The following SETBP1 variants were observed in gnomAD, a reference collection of about 807,000 sequenced individuals.
The protein encoded by SETBP1 is SET-binding protein.
Under a neutral mutation model 101.0 loss-of-function variants are expected in SETBP1, and 9 were observed. The observed-to-expected ratio is 0.09, with a 90% CI of 0.05 to 0.16. The LOEUF (loss-of-function observed/expected upper bound fraction) is 0.16, where lower values mean the gene tolerates loss of function less well. SETBP1 is among the 10% of genes least tolerant of loss of function. SETBP1 has a pLI of 1.00. For missense variants in SETBP1, 1,858 were observed against 2,033.8 expected (o/e 0.91, Z 1.66); for synonymous variants, 818 against 788.5 (o/e 1.04, Z -0.63).
intron 2 of SETBP1, among the ~76,000 whole-genome samples, chr18:44,850,763 CT>C (rs1407564066): frequency 6.6e-6 from 1 of 152,230 alleles, no homozygotes; most frequent in Non-Finnish European, 1.5e-5. Flanking sequence ...TTCCTGGCTT[CT>C]TGGTTCCCCA....
At chr18:44,991,688 G>A (rs570264748) in intron 4 of SETBP1, among the ~76,000 whole-genome samples, 2 of 152,020 alleles carry the variant, frequency 1.3e-5, no homozygotes, top group Non-Finnish European at 2.9e-5. Context: ...CTTGATCTTC[G>A]AATGGAACAT....
chr18:44,889,713 A>G (rs749421821), intron 3 of SETBP1, among the ~76,000 whole-genome samples: 9 of 152,186 alleles, frequency 5.9e-5, no homozygotes, highest in Admixed American at 1.3e-4. Context: ...AACCCAAGAC[A>G]GTTTTCTTAG....
At chr18:44,894,150 A>G (rs549444579) in intron 3 of SETBP1, among the ~76,000 whole-genome samples, 2 of 152,276 alleles carry the variant, frequency 1.3e-5, no homozygotes, top group African/African-American at 2.4e-5. Flanking sequence ...AGCCTCATAG[A>G]TTCCTAACTC....
At chr18:44,957,011 C>T (rs2071498669) in intron 4 of SETBP1, among the ~76,000 whole-genome samples, 1 of 152,110 alleles carries the variant, frequency 6.6e-6, no homozygotes, top group Non-Finnish European at 1.5e-5. Context: ...ATACCATCTG[C>T]TAAATGTCCG....
At chr18:44,828,423 A>T (rs567412626) in intron 2 of SETBP1, among the ~76,000 whole-genome samples, 1 of 152,240 alleles carries the variant, frequency 6.6e-6, no homozygotes, top group South Asian at 2.1e-4. Flanking sequence ...GAAAATTCAG[A>T]TACTACTGAA....
chr18:44,730,769 G>C lies in SETBP1; in HGVS notation c.486+28937G>C, dbSNP rs185167027. Among the ~76,000 whole-genome samples the C allele has an allele frequency of 3.3e-5, 5 of 152,264 alleles. No individual in the cohort carries two copies. The East Asian group carries it at 7.7e-4, about 24-fold the overall frequency. On this transcript the variant is annotated intron_variant, in intron 2 of 5. Coordinates refer to ENST00000649279, the MANE Select transcript of SETBP1 (RefSeq NM_015559.3). The stretch of plus-strand genomic sequence containing the variant: ...AAAGAGGAAGCTTAAATGGTATCAG[G>C]GTTTCTAGATGATAAGATTGTCCTG...
chr18:44,768,526 G>T (rs2070807778), intron 2 of SETBP1, among the ~76,000 whole-genome samples: 1 of 152,074 alleles, frequency 6.6e-6, no homozygotes, highest in Non-Finnish European at 1.5e-5. Flanking sequence ...AATTGGGTTG[G>T]TTACAATACA....
chr18:44,830,728 T>C (rs535065520), intron 2 of SETBP1, among the ~76,000 whole-genome samples: 3 of 152,248 alleles, frequency 2.0e-5, no homozygotes, highest in African/African-American at 7.2e-5. Context: ...CTGTAAACAG[T>C]GAATACAGGA....
chr18:44,693,432 A>C (rs2068966231), intron 1 of SETBP1, among the ~76,000 whole-genome samples: 1 of 152,204 alleles, frequency 6.6e-6, no homozygotes, highest in African/African-American at 2.4e-5. Flanking sequence ...GTTCTGGCCT[A>C]CAAAGGCACA....
chr18:44,682,586 G>A (rs546225386), intron 1 of SETBP1, among the ~76,000 whole-genome samples: 2 of 152,290 alleles, frequency 1.3e-5, no homozygotes, highest in South Asian at 4.1e-4. Flanking sequence ...GTGAAGGTGA[G>A]GTGCTGTGTT....
intron 2 of SETBP1, among the ~76,000 whole-genome samples, chr18:44,837,063 G>A (rs2072513354): frequency 6.6e-6 from 1 of 152,192 alleles, no homozygotes; most frequent in Admixed American, 6.5e-5. Context: ...GGCAGGAAGG[G>A]CTCTGCTCCA....
At chr18:44,946,479 A>T (rs1397808919) in intron 3 of SETBP1, among the ~76,000 whole-genome samples, 1 of 152,254 alleles carries the variant, frequency 6.6e-6, no homozygotes. Flanking sequence ...GGAGATGGGG[A>T]GAACTAACAG....
chr18:44,837,243 A>G (rs1028993396), intron 2 of SETBP1, among the ~76,000 whole-genome samples: 1 of 152,208 alleles, frequency 6.6e-6, no homozygotes, highest in African/African-American at 2.4e-5. Context: ...TGAACTGAGC[A>G]CAGAATAAGA....
chr18:44,753,648 A>T (rs1015099754), intron 2 of SETBP1, among the ~76,000 whole-genome samples: 3 of 152,252 alleles, frequency 2.0e-5, no homozygotes, highest in African/African-American at 7.2e-5. Context: ...TGACCCAGAC[A>T]GAAATGCTTT....
chr18:44,947,735 A>T (rs2071242470), intron 3 of SETBP1, among the ~76,000 whole-genome samples: 1 of 152,002 alleles, frequency 6.6e-6, no homozygotes. Flanking sequence ...TGAACGCCCG[A>T]CCTCAGGTGA....
chr18:44,889,997 T>C (rs1205964761), intron 3 of SETBP1, among the ~76,000 whole-genome samples: 1 of 152,208 alleles, frequency 6.6e-6, no homozygotes, highest in Non-Finnish European at 1.5e-5. Flanking sequence ...ATGTACGACA[T>C]GATGTTTTGA....
chr18:44,914,518 C>T (rs771909984), intron 3 of SETBP1, among the ~76,000 whole-genome samples: 22 of 152,238 alleles, frequency 1.4e-4, no homozygotes, highest in Non-Finnish European at 8.8e-5. Context: ...TGGAAGTAAA[C>T]GAATGGATTT....
intron 3 of SETBP1, among the ~76,000 whole-genome samples, chr18:44,928,052 G>T (rs2070743731): frequency 2.1e-5 from 3 of 141,742 alleles, no homozygotes; most frequent in Admixed American, 2.0e-4. Flanking sequence ...TTTACATTAG[G>T]TATATCTCCT....
intron 2 of SETBP1, among the ~76,000 whole-genome samples, chr18:44,745,253 T>TACAC (rs1303269162): frequency 2.0e-5 from 3 of 152,244 alleles, no homozygotes; most frequent in South Asian, 2.1e-4. Flanking sequence ...CTTGTGTATG[T>TACAC]ACACCTAGGT....
Sources: allele counts gnomAD v4.1 joint callset (sites outside exome capture counted in the v4.1 genomes callset), GRCh38; gene constraint gnomAD v4.1.1; transcripts MANE v1.5; gene names NCBI Gene and HGNC (gene_info 2026-07-23, HGNC 2026-07-21).